The following EPHA6 variants were observed in gnomAD, a reference collection of about 807,000 sequenced individuals.
EPHA6 encodes ephrin type-A receptor 6.
A neutral mutation model predicts 112.0 loss-of-function variants in EPHA6; 50 were observed. The ratio of observed to expected loss-of-function variants is 0.45; its 90% confidence interval spans 0.36 to 0.56. The LOEUF is 0.56. Ranked by LOEUF, EPHA6 falls within the 20% of genes least tolerant of loss-of-function variation. The pLI is 0.00. For synonymous variants in EPHA6, 529 were observed against 490.7 expected (o/e 1.08, Z -1.03); for missense variants, 1,280 against 1,417.4 (o/e 0.90, Z 1.56).
At chr3:97,504,256 A>G (rs765181880) in intron 10 of EPHA6, among the ~76,000 whole-genome samples, 15 of 152,132 alleles carry the variant, frequency 9.9e-5, no homozygotes, top group Middle Eastern at 3.4e-3. Flanking sequence ...GGACCAAGAG[A>G]ATTAAGGAGC....
intron 5 of EPHA6, among the ~76,000 whole-genome samples, chr3:97,350,212 C>T (rs1260988534): frequency 6.6e-6 from 1 of 151,958 alleles, no homozygotes; most frequent in East Asian, 1.9e-4. Flanking sequence ...AAAGCCTGAC[C>T]ATAAAAGGCA....
At chr3:97,428,782 G>T (rs1011152323) in intron 6 of EPHA6, among the ~76,000 whole-genome samples, 7 of 152,084 alleles carry the variant, frequency 4.6e-5, no homozygotes, top group African/African-American at 1.7e-4. Context: ...TGAGATCCGG[G>T]TACTAGAACC....
In EPHA6 at chr3:97,477,362, T is replaced by C. The variant is rs1269467449; in HGVS notation, c.2003+1902T>C. 3.3e-5 allele frequency among the ~76,000 whole-genome samples: 5 copies of C among 150,660 alleles called. No individual in the cohort carries two copies. In the East Asian group the frequency reaches 9.8e-4, roughly 30 times the overall value. The stretch of plus-strand genomic sequence containing the variant: ...CTGAGAAAGATTAAAATTATTCCCA[T>C]ACTATTTTGGACTCTGGCAAAGAGA... On this transcript the variant is annotated intron_variant, in intron 8 of 17. Coordinates refer to ENST00000389672, the MANE Select transcript of EPHA6 (RefSeq NM_001080448.3).
At chr3:97,177,224 T>C (rs572671096) in intron 3 of EPHA6, among the ~76,000 whole-genome samples, 117 of 152,086 alleles carry the variant, frequency 7.7e-4, no homozygotes, top group African/African-American at 2.6e-3. Flanking sequence ...TTATATTACA[T>C]TGTGGTCAGA....
intron 11 of EPHA6, among the ~76,000 whole-genome samples, chr3:97,535,443 G>A (rs1298216592): frequency 3.9e-5 from 6 of 152,098 alleles, no homozygotes; most frequent in African/African-American, 1.4e-4. Flanking sequence ...CGTATAGGGT[G>A]GTGTGGAGCT....
chr3:96,898,811 C>T (rs1245174852), intron 2 of EPHA6, among the ~76,000 whole-genome samples: 4 of 151,728 alleles, frequency 2.6e-5, no homozygotes, highest in African/African-American at 4.8e-5. Flanking sequence ...GGGCGGATCA[C>T]GAGGTCAGGA....
Position 97,049,063 on chromosome 3 carries a change from A to G in EPHA6, c.1114+61070A>G, listed in dbSNP as rs1414650062. Among the ~76,000 whole-genome samples, 4 of 152,324 alleles carry G rather than the reference A, an allele frequency of 2.6e-5. No individual in the cohort carries two copies. In the East Asian group the frequency reaches 5.8e-4, roughly 22 times the overall value. On this transcript the variant is annotated intron_variant, in intron 3 of 17. Transcript: ENST00000389672. ...AACAAATGTCCTGAGACAGAAGCAT[A>G]TCGGAAGAACATCAGGGCCAGTGGG... is the stretch of plus-strand genomic sequence containing the variant.
At chr3:97,179,820 G>A (rs894344993) in intron 3 of EPHA6, among the ~76,000 whole-genome samples, 1 of 148,442 alleles carries the variant, frequency 6.7e-6, no homozygotes, top group Non-Finnish European at 1.5e-5. Context: ...CACCACCATT[G>A]TAACTGCACT....
chr3:97,602,971 T>C (rs1387134074), intron 12 of EPHA6, among the ~76,000 whole-genome samples: 2 of 151,990 alleles, frequency 1.3e-5, no homozygotes, highest in Non-Finnish European at 2.9e-5. Context: ...CATAACCACT[T>C]CCTTCATAAT....
chr3:97,104,757 G>A (rs956849499), intron 3 of EPHA6, among the ~76,000 whole-genome samples: 4 of 152,104 alleles, frequency 2.6e-5, no homozygotes, highest in Admixed American at 2.0e-4. Context: ...ATCCAGCTGT[G>A]AATCTGTTTG....
chr3:97,527,704 T>C (rs2092640318), intron 10 of EPHA6, among the ~76,000 whole-genome samples: 1 of 151,934 alleles, frequency 6.6e-6, no homozygotes, highest in Admixed American at 6.6e-5. Flanking sequence ...TGAACAACCA[T>C]GTGTATGGGA....
At chr3:97,002,999 T>C (rs773555138) in intron 3 of EPHA6, among the ~76,000 whole-genome samples, 2 of 152,186 alleles carry the variant, frequency 1.3e-5, no homozygotes, top group Non-Finnish European at 2.9e-5. Context: ...TATTAATTAA[T>C]GGGAAGAATA....
intron 1 of EPHA6, among the ~76,000 whole-genome samples, chr3:96,817,527 G>A (rs1355455991): frequency 1.3e-5 from 2 of 151,740 alleles, no homozygotes; most frequent in Non-Finnish European, 3.0e-5. Flanking sequence ...TTCATATTTA[G>A]TATTGAGAAG....
At chr3:96,879,562 A>T (rs948008691) in intron 2 of EPHA6, among the ~76,000 whole-genome samples, 2 of 152,026 alleles carry the variant, frequency 1.3e-5, no homozygotes, top group African/African-American at 4.8e-5. Context: ...GGTTACAATA[A>T]TATTGCATAT....
intron 15 of EPHA6, among the ~76,000 whole-genome samples, chr3:97,720,863 G>A (rs1490578491): frequency 6.6e-6 from 1 of 152,048 alleles, no homozygotes; most frequent in Non-Finnish European, 1.5e-5. Flanking sequence ...CATCTAGTAC[G>A]GTTCTTTTGA....
At chr3:97,265,993 T>C (rs1317247740) in intron 5 of EPHA6, among the ~76,000 whole-genome samples, 1 of 152,250 alleles carries the variant, frequency 6.6e-6, no homozygotes, top group Non-Finnish European at 1.5e-5. Context: ...TGTTCTTAAG[T>C]AATTGGATGC....
chr3:97,282,868 A>G (rs2080334404), intron 5 of EPHA6, among the ~76,000 whole-genome samples: 1 of 152,224 alleles, frequency 6.6e-6, no homozygotes, highest in African/African-American at 2.4e-5. Flanking sequence ...ATTAGGATAA[A>G]TAGCTAATGC....
chr3:97,684,310 A>G (rs1482991711), intron 14 of EPHA6, among the ~76,000 whole-genome samples: 3 of 152,200 alleles, frequency 2.0e-5, no homozygotes, highest in Non-Finnish European at 2.9e-5. Context: ...AAAGCTTAAG[A>G]TTTAAAGGCC....
chr3:97,345,001 A>C (rs2083469765), intron 5 of EPHA6, among the ~76,000 whole-genome samples: 1 of 152,144 alleles, frequency 6.6e-6, no homozygotes, highest in African/African-American at 2.4e-5. Flanking sequence ...AGCCTGAGCA[A>C]GAGTGTAAAT....
Sources: gnomAD v4.1 joint callset for allele counts (sites outside exome capture counted in the v4.1 genomes callset) on GRCh38, gnomAD v4.1.1 for gene constraint, MANE v1.5 for transcripts, NCBI Gene and HGNC (gene_info 2026-07-23, HGNC 2026-07-21) for gene names.